Variants in EFNB2 observed in about 807,000 individuals in gnomAD.
The protein encoded by EFNB2 is ephrin-B2.
A neutral mutation model predicts 32.1 loss-of-function variants in EFNB2; 5 were observed. That is an observed-to-expected ratio of 0.16 (90% confidence interval 0.08 to 0.33). The LOEUF (loss-of-function observed/expected upper bound fraction) is 0.33, where lower values mean the gene tolerates loss of function less well. EFNB2 is among the 10% of genes least tolerant of loss of function. EFNB2 has a pLI of 1.00. For synonymous variants in EFNB2, 168 were observed against 166.5 expected (o/e 1.01, Z -0.07); for missense variants, 263 against 422.6 (o/e 0.62, Z 3.31).
rs1414532949 is a variant in EFNB2 at position 106,492,033 on chromosome 13, C to G, written c.*1007G>C. 6.6e-6 allele frequency: 1 copy of G among 152,638 alleles called. No individual in the cohort carries two copies. Among genetic ancestry groups the G allele is most frequent in the Non-Finnish European group, 1.5e-5 (1 of 68,092 alleles). 9.5% of individuals were successfully genotyped at this position (152,638 alleles called of 1,614,324 possible). On this transcript the variant is annotated 3_prime_UTR_variant, in exon 5 of 5. Transcript: ENST00000646441. The surrounding 1 kb of genome is among the most constrained non-coding windows in gnomAD (Gnocchi z 5.1). ...ATATATCATCAGCGGCCTACTTTCT[C>G]CCTTCCCTCCAAGCCTGTTCCTTTC...
chr13:106,490,230 A>G lies in EFNB2; in HGVS notation c.*2810T>C, dbSNP rs1878352253. 1 of 152,418 alleles carries G rather than the reference A, an allele frequency of 6.6e-6. No individual in the cohort carries two copies. Among genetic ancestry groups the G allele is most frequent in the African/African-American group, 2.4e-5 (1 of 41,436 alleles). The allele number at this position is 152,418 out of a possible 1,614,324, so 9.4% of individuals were successfully genotyped here. On this transcript the variant is annotated 3_prime_UTR_variant, in exon 5 of 5. Transcript: ENST00000646441. The stretch of plus-strand genomic sequence containing the variant: ...CATGTGTATTTTTATTAAAAAGGTG[A>G]ATAAGGCTACTGTAACACCCCAAAT...
intron 2 of EFNB2, among the ~76,000 whole-genome samples, chr13:106,496,184 A>T (rs1594160854): frequency 6.6e-6 from 1 of 152,170 alleles, no homozygotes; most frequent in Non-Finnish European, 1.5e-5. Context: ...GGCCAAACTC[A>T]GAAGAGCAAA....
chr13:106,520,498 G>T (rs1185685328), intron 1 of EFNB2: 1 of 152,208 alleles, frequency 6.6e-6, no homozygotes, highest in Non-Finnish European at 1.5e-5. Flanking sequence ...CAAAGACCAA[G>T]GCTCCTTTCC....
At chr13:106,533,769 C>A (rs570607652) in intron 1 of EFNB2, among the ~76,000 whole-genome samples, 1 of 152,280 alleles carries the variant, frequency 6.6e-6, no homozygotes, top group East Asian at 1.9e-4. Context: ...CTAATGTCTG[C>A]ATACTTCTTC....
chr13:106,500,022 T>C (rs1028063813), intron 2 of EFNB2, among the ~76,000 whole-genome samples: 3 of 152,186 alleles, frequency 2.0e-5, no homozygotes, highest in African/African-American at 7.2e-5. Flanking sequence ...GCACCTATAC[T>C]TATCTGCAGT....
intron 1 of EFNB2, among the ~76,000 whole-genome samples, chr13:106,529,324 C>T (rs1227288122): frequency 1.3e-5 from 2 of 152,178 alleles, no homozygotes; most frequent in African/African-American, 4.8e-5. Flanking sequence ...GCAGTTAATC[C>T]TACAGAACGG....
chr13:106,502,773 C>T (rs949512048), intron 2 of EFNB2, among the ~76,000 whole-genome samples: 1 of 152,156 alleles, frequency 6.6e-6, no homozygotes, highest in Non-Finnish European at 1.5e-5. Context: ...ACATTCAGGG[C>T]CATAGGTATC....
chr13:106,525,119 T>G (rs573613320), intron 1 of EFNB2, among the ~76,000 whole-genome samples: 1 of 152,306 alleles, frequency 6.6e-6, no homozygotes, highest in East Asian at 1.9e-4. Context: ...TCACGGAGCT[T>G]AGCTCTTTAA....
chr13:106,501,580 A>G (rs1251747969), intron 2 of EFNB2, among the ~76,000 whole-genome samples: 3 of 152,062 alleles, frequency 2.0e-5, no homozygotes, highest in Admixed American at 6.6e-5. Flanking sequence ...AGAAAAATAC[A>G]GAAGAATTTA....
intron 2 of EFNB2, among the ~76,000 whole-genome samples, chr13:106,501,218 G>T (rs954160156): frequency 6.6e-6 from 1 of 152,148 alleles, no homozygotes; most frequent in Non-Finnish European, 1.5e-5. Flanking sequence ...ACATGGAAAT[G>T]ATAGTGTTCA....
At chr13:106,523,745 C>A (rs1035129741) in intron 1 of EFNB2, among the ~76,000 whole-genome samples, 1 of 152,146 alleles carries the variant, frequency 6.6e-6, no homozygotes, top group Non-Finnish European at 1.5e-5. Context: ...CGGCAAGAAG[C>A]CAGAATCCCA....
At chr13:106,514,061 C>A (rs1016623301) in intron 1 of EFNB2, among the ~76,000 whole-genome samples, 1 of 152,120 alleles carries the variant, frequency 6.6e-6, no homozygotes, top group Admixed American at 6.6e-5. Flanking sequence ...ACTATGGATT[C>A]ATATTAAAAA....
At chr13:106,500,816 T>C (rs572658726) in intron 2 of EFNB2, among the ~76,000 whole-genome samples, 27 of 152,292 alleles carry the variant, frequency 1.8e-4, no homozygotes, top group African/African-American at 6.3e-4. Context: ...CTTCTGAAGA[T>C]CGGAAGACTG....
chr13:106,530,383 T>G (rs1230586173), intron 1 of EFNB2, among the ~76,000 whole-genome samples: 3 of 152,160 alleles, frequency 2.0e-5, no homozygotes, highest in Non-Finnish European at 4.4e-5. Flanking sequence ...GCACTCCTCT[T>G]TAAGGCTCTA....
chr13:106,497,226 A>T (rs1318717357), intron 2 of EFNB2, among the ~76,000 whole-genome samples: 1 of 152,188 alleles, frequency 6.6e-6, no homozygotes, highest in East Asian at 1.9e-4. Context: ...TTTTCCTCAA[A>T]ACAAAGACTG....
chr13:106,530,462 G>C (rs1879833020), intron 1 of EFNB2, among the ~76,000 whole-genome samples: 1 of 152,186 alleles, frequency 6.6e-6, no homozygotes, highest in Non-Finnish European at 1.5e-5. Context: ...CTGAAAAACA[G>C]GTTCTTTATG....
At chr13:106,500,308 A>G (rs901130270) in intron 2 of EFNB2, among the ~76,000 whole-genome samples, 1 of 152,150 alleles carries the variant, frequency 6.6e-6, no homozygotes, top group Non-Finnish European at 1.5e-5. Context: ...AAACTTCTGG[A>G]TTTGCACCGA....
chr13:106,494,762 CTG>C (rs1159117154), intron 4 of EFNB2, 117 bp downstream of exon 4: 1 of 737,046 alleles, frequency 1.4e-6, no homozygotes, highest in Non-Finnish European at 2.4e-6. Context: ...TTCCTGATCA[CTG>C]TAACTTCCAG....
At position 106,518,958 on chromosome 13, in the gene EFNB2, G is replaced by A. The variant is rs914751767; in HGVS notation, c.123-6146C>T. 1 of 152,178 alleles carries A rather than the reference G, an allele frequency of 6.6e-6. No homozygotes were observed. Among genetic ancestry groups the A allele is most frequent in the Non-Finnish European group, 1.5e-5 (1 of 68,046 alleles). 9.4% of individuals were successfully genotyped at this position (152,178 alleles called of 1,614,324 possible). On this transcript the variant is annotated intron_variant, in intron 1 of 4. Transcript: ENST00000646441. This position sits in a 1 kb window ranked among gnomAD's most constrained non-coding sequence, Gnocchi z 4.1. Reference sequence around the variant, plus strand: ...GTCTCTGAAAATACATGCGAAATGTGTGACAATATACCTGGTGGCTCTCCT... The same window carrying A: ...GTCTCTGAAAATACATGCGAAATGTATGACAATATACCTGGTGGCTCTCCT...
Sources: gnomAD v4.1 joint callset for allele counts (sites outside exome capture counted in the v4.1 genomes callset) on GRCh38, gnomAD v4.1.1 for gene constraint, Gnocchi (gnomAD v3.1) non-coding constraint, MANE v1.5 for transcripts, NCBI Gene and HGNC (gene_info 2026-07-23, HGNC 2026-07-21) for gene names.